ANXA10: variants seen among roughly 807,000 people sequenced by gnomAD.
ANXA10 encodes annexin 14.
In ANXA10, 49 loss-of-function variants were observed where a neutral mutation model predicts 53.5. The ratio of observed to expected loss-of-function variants is 0.92; its 90% CI spans 0.73 to 1.16. The LOEUF (loss-of-function observed/expected upper bound fraction) is 1.16. Ranked by LOEUF, ANXA10 falls within the 50% of genes most tolerant of loss-of-function variation. The pLI is 0.00. For synonymous variants in ANXA10, 131 were observed against 128.9 expected, an observed-to-expected ratio of 1.02 and a Z score of -0.11; for missense variants, 393 against 394.4, an observed-to-expected ratio of 1.00 and a Z score of 0.03.
At chr4:168,096,929 T>TATATATATATATATATATATATAA (rs1730558396) in intron 1 of ANXA10, among the ~76,000 whole-genome samples, 1 of 82,580 alleles carries the variant, frequency 1.2e-5, no homozygotes, top group African/African-American at 3.5e-5. Flanking sequence ...TATATATATA[T>TATATATATATATATATATATATAA]GTATGTATAT....
intron 1 of ANXA10, among the ~76,000 whole-genome samples, chr4:168,096,281 A>C (rs539200010): frequency 2.6e-5 from 4 of 152,284 alleles, no homozygotes; most frequent in Admixed American, 6.5e-5. Flanking sequence ...AGTATGACTT[A>C]CTGAGCAAAT....
At chr4:168,169,415 T>C (rs1256555191) in intron 6 of ANXA10, among the ~76,000 whole-genome samples, 3 of 152,192 alleles carry the variant, frequency 2.0e-5, no homozygotes, top group East Asian at 1.9e-4. Context: ...CAAGTTTTTA[T>C]TGCTTTAGTA....
At chr4:168,117,343 T>TC (rs1553997143) in intron 1 of ANXA10, among the ~76,000 whole-genome samples, 1 of 152,190 alleles carries the variant, frequency 6.6e-6, no homozygotes, top group Non-Finnish European at 1.5e-5. Flanking sequence ...AAGTGTGTGT[T>TC]CTCCAAAATA....
intron 3 of ANXA10, among the ~76,000 whole-genome samples, chr4:168,155,822 G>T (rs770647633): frequency 0.1 from 283 of 2,806 alleles, 19 homozygotes; most frequent in Non-Finnish European, 0.14. Flanking sequence ...TATTATATAT[G>T]ATATATGATA....
intron 10 of ANXA10, among the ~76,000 whole-genome samples, chr4:168,182,088 T>C (rs1326701709): frequency 6.6e-6 from 1 of 152,118 alleles, no homozygotes; most frequent in Non-Finnish European, 1.5e-5. Context: ...CATATGGCAT[T>C]AAGCAGAAAA....
intron 1 of ANXA10, among the ~76,000 whole-genome samples, chr4:168,104,363 C>T (rs1181188553): frequency 2.0e-5 from 3 of 151,716 alleles, no homozygotes; most frequent in Admixed American, 6.6e-5. Context: ...ATTTTCTTTT[C>T]TTGTAATGTT....
At chr4:168,183,401 AT>A (rs1271298111) in intron 10 of ANXA10, among the ~76,000 whole-genome samples, 1 of 152,226 alleles carries the variant, frequency 6.6e-6, no homozygotes, top group Non-Finnish European at 1.5e-5. Flanking sequence ...GTATTTGGAA[AT>A]GCTATAGGAT....
chr4:168,153,981 T>C lies in ANXA10; in HGVS notation c.196-8547T>C, dbSNP rs543015080. 6.2e-3 allele frequency among the ~76,000 whole-genome samples: 919 copies of C among 149,334 alleles called. 7 individuals are homozygous for C. Among genetic ancestry groups the C allele is most frequent in the African/African-American group, 0.019 (773 of 40,936 alleles). On this transcript the variant is annotated intron_variant, in intron 3 of 11. Transcript: ENST00000359299. The stretch of plus-strand genomic sequence containing the variant: ...AGTTCACTGTAACTATAGCTATGTA[T>C]ACACACACACACACACACACACGCA...
chr4:168,128,273 T>C (rs1449639000), intron 2 of ANXA10, 108 bp downstream of exon 2: 2 of 540,824 alleles, frequency 3.7e-6, no homozygotes, highest in African/African-American at 2.6e-5. Context: ...AAAACACAGA[T>C]ACAGATTAGA....
chr4:168,163,935 C>A (rs906469632), intron 4 of ANXA10, among the ~76,000 whole-genome samples: 1 of 152,156 alleles, frequency 6.6e-6, no homozygotes, highest in Non-Finnish European at 1.5e-5. Flanking sequence ...ACATGTCTTT[C>A]TCCACATTGT....
At chr4:168,179,340 C>T in intron 9 of ANXA10, 28 bp downstream of exon 9, 1 of 1,479,432 alleles carries the variant, frequency 6.8e-7, no homozygotes, top group Non-Finnish European at 9.4e-7. Flanking sequence ...TGAAGCACAA[C>T]AGACATTTTA....
intron 11 of ANXA10, among the ~76,000 whole-genome samples, chr4:168,185,987 C>T (rs1404008745): frequency 6.6e-6 from 1 of 152,174 alleles, no homozygotes; most frequent in African/African-American, 2.4e-5. Context: ...ATAAAACTCT[C>T]CTACAGCCAC....
At chr4:168,101,447 C>A (rs1375576122) in intron 1 of ANXA10, among the ~76,000 whole-genome samples, 1 of 149,610 alleles carries the variant, frequency 6.7e-6, no homozygotes, top group South Asian at 2.1e-4. Flanking sequence ...CACTTTTAGG[C>A]TTAATCTTAC....
Position 168,187,618 on chromosome 4 carries a change from G to T in ANXA10, c.*184G>T. ...AATGAAAGTATATGATACTGAATTT[G>T]CCTACTATCCTGAATTTGCCTACTA... On this transcript the variant is annotated 3_prime_UTR_variant, in exon 12 of 12. Coordinates refer to ENST00000359299, the MANE Select transcript of ANXA10 (RefSeq NM_007193.5). 2.5e-6 allele frequency: 1 copy of T among 400,788 alleles called. No homozygotes were observed. Among genetic ancestry groups the T allele is most frequent in the Non-Finnish European group, 4.5e-6 (1 of 221,584 alleles). The allele number at this position is 400,788 out of a possible 1,614,324, so 24.8% of individuals were successfully genotyped here.
chr4:168,177,620 GATA>G (rs1333983597), intron 6 of ANXA10, 117 bp from the exon 7 acceptor site: 1 of 920,268 alleles, frequency 1.1e-6, no homozygotes, highest in Admixed American at 2.1e-5. Context: ...ACTTACTCCA[GATA>G]ATAAAAGAAG....
chr4:168,153,461 A>AC (rs1410728007), intron 3 of ANXA10, among the ~76,000 whole-genome samples: 1 of 88,080 alleles, frequency 1.1e-5, no homozygotes, highest in Non-Finnish European at 2.5e-5. Context: ...AAACAAAACA[A>AC]AAAAAAAAAC....
intron 6 of ANXA10, among the ~76,000 whole-genome samples, chr4:168,171,117 T>C (rs1056942877): frequency 6.6e-6 from 1 of 152,194 alleles, no homozygotes; most frequent in African/African-American, 2.4e-5. Flanking sequence ...TAAAAGTCCA[T>C]CACTTCTCTT....
At chr4:168,149,638 G>C (rs1017112795) in intron 3 of ANXA10, among the ~76,000 whole-genome samples, 3 of 152,078 alleles carry the variant, frequency 2.0e-5, no homozygotes, top group Non-Finnish European at 4.4e-5. Flanking sequence ...GATTGGTTTT[G>C]CATTTGCTTC....
chr4:168,139,032 A>G (rs1449173862), intron 2 of ANXA10, among the ~76,000 whole-genome samples: 1 of 152,156 alleles, frequency 6.6e-6, no homozygotes. Context: ...GTAAGATCAT[A>G]TCATCAGCAA....
Sources: gnomAD v4.1 joint callset for allele counts (sites outside exome capture counted in the v4.1 genomes callset) on GRCh38, gnomAD v4.1.1 for gene constraint, MANE v1.5 for transcripts, NCBI Gene and HGNC (gene_info 2026-07-23, HGNC 2026-07-21) for gene names.